TCF4: variants seen among roughly 807,000 people sequenced by gnomAD.
TCF4 encodes the protein SL3-3 enhancer factor 2.
In TCF4, 3 loss-of-function variants were observed where a neutral mutation model predicts 82.1. The ratio of observed to expected loss-of-function variants is 0.04; its 90% CI spans 0.02 to 0.09. TCF4 has a LOEUF of 0.09. Among genes scored for constraint, TCF4 ranks in the 10% least tolerant of loss-of-function variants. The pLI, the probability that TCF4 is intolerant of heterozygous loss-of-function variation, is 1.00. For synonymous variants in TCF4, 276 were observed against 309.6 expected (o/e 0.89, Z 1.14); for missense variants, 518 against 852.7 (o/e 0.61, Z 4.89).
intron 8 of TCF4, among the ~76,000 whole-genome samples, chr18:55,344,070 G>A (rs1471869173): frequency 6.6e-6 from 1 of 152,150 alleles, no homozygotes. Context: ...GACAATTCTT[G>A]AAGAGACTCC....
chr18:55,601,610 C>T (rs1033690989), intron 2 of TCF4, among the ~76,000 whole-genome samples: 1 of 152,038 alleles, frequency 6.6e-6, no homozygotes, highest in Non-Finnish European at 1.5e-5. Flanking sequence ...ATGGTGAAAC[C>T]CTGTCTCTAC....
chr18:55,454,521 C>A (rs1361063579), intron 5 of TCF4, among the ~76,000 whole-genome samples: 1 of 152,160 alleles, frequency 6.6e-6, no homozygotes, highest in African/African-American at 2.4e-5. Flanking sequence ...GGTGACTCAA[C>A]TTAATGAGTT....
At chr18:55,263,046 C>T (rs1388107181) in intron 11 of TCF4, among the ~76,000 whole-genome samples, 1 of 152,106 alleles carries the variant, frequency 6.6e-6, no homozygotes, top group African/African-American at 2.4e-5. Context: ...CTTCATGAAC[C>T]ACCCACCTTG....
chr18:55,410,089 A>G (rs2094281795), intron 5 of TCF4, among the ~76,000 whole-genome samples: 1 of 152,170 alleles, frequency 6.6e-6, no homozygotes, highest in Non-Finnish European at 1.5e-5. Flanking sequence ...TCCTATAAAG[A>G]CAAATGGGGG....
At chr18:55,576,832 G>C (rs1202131240) in intron 3 of TCF4, among the ~76,000 whole-genome samples, 1 of 151,910 alleles carries the variant, frequency 6.6e-6, no homozygotes, top group African/African-American at 2.4e-5. Flanking sequence ...ACAAACTCGT[G>C]AACTTTCTTA....
intron 3 of TCF4, among the ~76,000 whole-genome samples, chr18:55,564,928 G>T (rs1325771218): frequency 6.6e-6 from 1 of 152,124 alleles, no homozygotes; most frequent in Non-Finnish European, 1.5e-5. Flanking sequence ...ATAACCAGAT[G>T]ATAACAACTC....
chr18:55,505,702 G>A (rs1484143017), intron 3 of TCF4, among the ~76,000 whole-genome samples: 4 of 150,808 alleles, frequency 2.7e-5, no homozygotes, highest in Non-Finnish European at 5.9e-5. Context: ...TACTTGGGGG[G>A]CTGAGGCAGG....
At chr18:55,475,265 C>T (rs2096267284) in intron 3 of TCF4, among the ~76,000 whole-genome samples, 1 of 152,116 alleles carries the variant, frequency 6.6e-6, no homozygotes, top group African/African-American at 2.4e-5. Flanking sequence ...TGGAAGAATA[C>T]AGGCCAGTTA....
chr18:55,388,258 G>T (rs549043280), intron 6 of TCF4, among the ~76,000 whole-genome samples: 67 of 152,290 alleles, frequency 4.4e-4, no homozygotes, highest in African/African-American at 1.5e-3. Context: ...CAGGGAGAGT[G>T]AAGGAGAATG....
At chr18:55,468,400 G>T (rs184630277) in intron 3 of TCF4, among the ~76,000 whole-genome samples, 1 of 152,250 alleles carries the variant, frequency 6.6e-6, no homozygotes, top group East Asian at 1.9e-4. Flanking sequence ...ACCTAATCCT[G>T]GTATTAAGCC....
chr18:55,450,463 C>T (rs748958192), intron 5 of TCF4, among the ~76,000 whole-genome samples: 3 of 152,126 alleles, frequency 2.0e-5, no homozygotes, highest in Non-Finnish European at 4.4e-5. Flanking sequence ...ATATATTTTG[C>T]AATTGTTAGT....
chr18:55,570,306 T>C (rs999519551), intron 3 of TCF4, among the ~76,000 whole-genome samples: 29 of 152,152 alleles, frequency 1.9e-4, no homozygotes, highest in African/African-American at 6.5e-4. Flanking sequence ...AGAAGGCTTT[T>C]CCAACCCTTC....
chr18:55,396,133 C>T (rs2093476960), intron 6 of TCF4, among the ~76,000 whole-genome samples: 2 of 152,126 alleles, frequency 1.3e-5, no homozygotes, highest in Non-Finnish European at 1.5e-5. Flanking sequence ...CTAATATGGA[C>T]TTCTGAGCCT....
chr18:55,459,701 T>A (rs1402244490), intron 5 of TCF4, among the ~76,000 whole-genome samples: 1 of 152,156 alleles, frequency 6.6e-6, no homozygotes, highest in East Asian at 1.9e-4. Context: ...TATCTACATA[T>A]CCTGAGAACA....
chr18:55,588,340 G>T, upstream of TCF4: 1 of 1,485,528 alleles, frequency 6.7e-7, no homozygotes, highest in South Asian at 1.3e-5. Context: ...CTCCGGCGGG[G>T]AGACGCGACT....
intron 2 of TCF4, chr18:55,585,630 T>C: frequency 1.8e-6 from 1 of 567,472 alleles, no homozygotes; most frequent in Non-Finnish European, 2.7e-6. Flanking sequence ...CCCATAATGT[T>C]ATCAAGATTC....
rs577318358 is a variant in TCF4 at position 55,505,148 on chromosome 18, T to C, written c.146-41011A>G. On this transcript the variant is annotated intron_variant, in intron 3 of 19. Transcript: ENST00000354452. The stretch of plus-strand genomic sequence containing the variant: ...TATGGAAGCAAAACACAGCAGATGG[T>C]AACTCAGCCCAGTACCAAGAGTACT... Among the ~76,000 whole-genome samples, 398 of 152,276 alleles carry C rather than the reference T, an allele frequency of 2.6e-3. 3 individuals are homozygous for C. Among genetic ancestry groups the C allele is most frequent in the Middle Eastern group, 0.024 (7 of 294 alleles).
At chr18:55,463,973 TGTGTGAGAGA>T (rs879012685) in intron 4 of TCF4, 93 bp downstream of exon 4, 29 of 277,570 alleles carry the variant, frequency 1.0e-4, no homozygotes, top group Middle Eastern at 9.5e-4. Flanking sequence ...TGTGTGTGTG[TGTGTGAGAGA>T]GAGAGAGAGA....
chr18:55,443,310 T>G (rs571014878), intron 5 of TCF4, among the ~76,000 whole-genome samples: 1 of 152,216 alleles, frequency 6.6e-6, no homozygotes, highest in South Asian at 2.1e-4. Context: ...AAGAATCATG[T>G]TCCTGAAAAT....
Sources: allele counts gnomAD v4.1 joint callset (sites outside exome capture counted in the v4.1 genomes callset), GRCh38; gene constraint gnomAD v4.1.1; transcripts MANE v1.5; gene names NCBI Gene and HGNC (gene_info 2026-07-23, HGNC 2026-07-21).